The following PRMT7 variants were observed in gnomAD, a reference collection of about 807,000 sequenced individuals.
The protein encoded by PRMT7 is protein arginine N-methyltransferase 7.
A neutral mutation model predicts 85.4 loss-of-function variants in PRMT7; 75 were observed. The ratio of observed to expected loss-of-function variants is 0.88; its 90% CI spans 0.73 to 1.06. PRMT7 has a LOEUF of 1.06. Among genes scored for constraint, PRMT7 ranks in the 50% least tolerant of loss-of-function variants. The probability of loss-of-function intolerance (pLI) is 0.00; values close to 1 mark genes in which losing one functional copy is unlikely to be tolerated. For missense variants in PRMT7, 868 were observed against 915.2 expected (o/e 0.95, Z 0.67); for synonymous variants, 397 against 359.5 (o/e 1.10, Z -1.18).
At position 68,355,707 on chromosome 16, in the gene PRMT7, C is replaced by T. The variant is rs764852288; in HGVS notation, c.1651-16C>T. On this transcript the variant is annotated splice_polypyrimidine_tract_variant and intron_variant, in intron 16 of 18. Transcript: ENST00000441236. ...CGGCCTGTCTCTGCAGCCCCCAGGC[C>T]CCCTTCTGTTCGCAGCGTGCCCTGG... The T allele has an allele frequency of 1.3e-5, 20 of 1,553,318 alleles. No individual in the cohort carries two copies. The Admixed American group carries it at 3.6e-4, about 28-fold the overall frequency.
At chr16:68,324,466 A>C in intron 4 of PRMT7, 1 of 585,882 alleles carries the variant, frequency 1.7e-6, no homozygotes, top group South Asian at 2.0e-5. Flanking sequence ...TAGAGGATAG[A>C]AGAGTGAGTG....
At chr16:68,339,150 T>C (rs2151727989) in intron 7 of PRMT7, among the ~76,000 whole-genome samples, 172 bp from the exon 8 acceptor site, 1 of 152,302 alleles carries the variant, frequency 6.6e-6, no homozygotes. Context: ...ACCCTTTTTT[T>C]CCCTTTTCCA....
At chr16:68,311,462 GTCGTGT>G in intron 1 of PRMT7, 1 of 196,496 alleles carries the variant, frequency 5.1e-6, no homozygotes, top group East Asian at 1.8e-4. Context: ...TAATTGGAGA[GTCGTGT>G]ATTCACTACA....
intron 5 of PRMT7, among the ~76,000 whole-genome samples, chr16:68,327,663 T>G (rs1189185508): frequency 6.6e-6 from 1 of 152,144 alleles, no homozygotes; most frequent in Non-Finnish European, 1.5e-5. Flanking sequence ...AAATACTAAA[T>G]GGAGCCAGGT....
intron 4 of PRMT7, chr16:68,322,296 C>T: frequency 5.3e-6 from 2 of 375,244 alleles, no homozygotes; most frequent in South Asian, 1.9e-5. Context: ...ACTTCTTGGG[C>T]TTAAGCGATC....
chr16:68,331,807 A>G (rs1555551429), intron 6 of PRMT7, among the ~76,000 whole-genome samples: 1 of 152,086 alleles, frequency 6.6e-6, no homozygotes, highest in Non-Finnish European at 1.5e-5. Flanking sequence ...AATCTCTGAA[A>G]GTTCCACTTG....
At chr16:68,350,954 A>T (rs1410581008) in intron 14 of PRMT7, among the ~76,000 whole-genome samples, 4 of 152,184 alleles carry the variant, frequency 2.6e-5, no homozygotes, top group African/African-American at 7.2e-5. Flanking sequence ...CATGTTATTT[A>T]TCTGTTTCTC....
At chr16:68,359,897 GACC>G (rs10608999), downstream of PRMT7, 85,103 of 152,366 alleles carry the variant, frequency 0.56, 24,163 homozygotes, top group East Asian at 0.78. Context: ...GCAGATCGGG[GACC>G]ACAAGCTGTT....
At chr16:68,332,541 C>T (rs1424470423) in intron 6 of PRMT7, among the ~76,000 whole-genome samples, 6 of 152,152 alleles carry the variant, frequency 3.9e-5, no homozygotes, top group East Asian at 1.9e-4. Context: ...CTGAGAGCTC[C>T]GGAGATTGTT....
chr16:68,356,708 C>T lies in PRMT7; in HGVS notation c.1819C>T (p.Gln607Ter), dbSNP rs1158217815. Reference protein sequence around the residue: ...EGTVELRRPGQSHAAVLWMEY... With the variant: ...EGTVELRRPG ...CCCCCCTCTCCTTGACAGGCCCGGG[C>T]AGAGCCACGCAGCGGTGCTATGGAT... Residue 607 changes from glutamine (Q) to a stop codon, truncating the protein, a stop_gained, in exon 18 of 19, where the codon CAG (glutamine) becomes TAG (stop). Transcript: ENST00000441236. LOFTEE classifies it high-confidence loss of function. 6.2e-7 allele frequency: 1 copy of T among 1,611,794 alleles called. No individual in the cohort carries two copies. Among genetic ancestry groups the T allele is most frequent in the Non-Finnish European group, 8.5e-7 (1 of 1,179,624 alleles).
Position 68,356,927 on chromosome 16 carries a change from G to A in PRMT7, c.1909-127G>A, listed in dbSNP as rs139089822. ...CTTCGGGCCAGATGATGACCCCTCA[G>A]TGGTCCTGGGCCATCTGGCCCCTGA... On this transcript the variant is annotated intron_variant, in intron 18 of 18. Coordinates refer to ENST00000441236, the MANE Select transcript of PRMT7 (RefSeq NM_019023.5). The A allele has an allele frequency of 3.8e-4, 525 of 1,365,328 alleles. 1 individual carries two copies. The highest frequency in any genetic ancestry group is 5.0e-4 in the Non-Finnish European group (503 of 997,034). The allele number at this position is 1,365,328 out of a possible 1,614,324, so 84.6% of individuals were successfully genotyped here.
intron 14 of PRMT7, among the ~76,000 whole-genome samples, chr16:68,350,573 C>T (rs2087168761): frequency 6.6e-6 from 1 of 152,048 alleles, no homozygotes; most frequent in South Asian, 2.1e-4. Context: ...CTATTCAAGC[C>T]TTTTGCCCAT....
intron 10 of PRMT7, 163 bp from the exon 11 acceptor site, chr16:68,345,982 T>C (rs1239541228): frequency 1.5e-6 from 2 of 1,319,070 alleles, no homozygotes; most frequent in Non-Finnish European, 2.1e-6. Context: ...GAGGCTGTCA[T>C]GGGTTGCTGG....
intron 9 of PRMT7, among the ~76,000 whole-genome samples, chr16:68,344,234 G>A (rs113988262): frequency 3.9e-5 from 6 of 152,312 alleles, no homozygotes; most frequent in Admixed American, 1.3e-4. Flanking sequence ...CTCCCAAATT[G>A]TTGGGATTAC....
At chr16:68,350,052 C>T (rs560217086) in intron 14 of PRMT7, among the ~76,000 whole-genome samples, 221 of 152,342 alleles carry the variant, frequency 1.5e-3, no homozygotes, top group African/African-American at 5.1e-3. Context: ...AAGTGAGGTA[C>T]GCAGTGTGTG....
At chr16:68,316,796 C>T (rs1434895691) in intron 3 of PRMT7, 3 of 152,284 alleles carry the variant, frequency 2.0e-5, no homozygotes, top group Non-Finnish European at 4.4e-5. Flanking sequence ...TGTTATGTAG[C>T]AATCATTAAG....
At chr16:68,355,569 GA>G (rs1043278841) in intron 16 of PRMT7, 153 bp from the exon 17 acceptor site, 3 of 716,826 alleles carry the variant, frequency 4.2e-6, no homozygotes, top group African/African-American at 3.7e-5. Context: ...AAGTGGCAGA[GA>G]GGGGGCGCCG....
At chr16:68,334,947 C>T (rs926938437) in intron 6 of PRMT7, among the ~76,000 whole-genome samples, 1 of 152,086 alleles carries the variant, frequency 6.6e-6, no homozygotes, top group Non-Finnish European at 1.5e-5. Flanking sequence ...CAGGCGCGTG[C>T]TACTACACCC....
intron 6 of PRMT7, among the ~76,000 whole-genome samples, chr16:68,334,261 A>G (rs1466584889): frequency 6.6e-6 from 1 of 152,190 alleles, no homozygotes; most frequent in African/African-American, 2.4e-5. Context: ...TAATTTTTGT[A>G]AAGTGAGTAG....
Sources: allele counts gnomAD v4.1 joint callset (sites outside exome capture counted in the v4.1 genomes callset), GRCh38; gene constraint gnomAD v4.1.1; transcripts MANE v1.5; gene names NCBI Gene and HGNC (gene_info 2026-07-23, HGNC 2026-07-21).